Variants in GRAMD2B observed in about 807,000 individuals in gnomAD.
GRAMD2B encodes the protein GRAM domain-containing protein 2B.
In GRAMD2B, 41 loss-of-function variants were observed where a neutral mutation model predicts 59.2. The observed-to-expected ratio is 0.69, with a 90% CI of 0.54 to 0.90. The LOEUF is 0.90. GRAMD2B is among the 40% of genes least tolerant of loss of function. GRAMD2B has a pLI of 0.00. For synonymous variants in GRAMD2B, 161 were observed against 182.7 expected (o/e 0.88, Z 0.96); for missense variants, 424 against 500.5 (o/e 0.85, Z 1.46).
intron 1 of GRAMD2B, among the ~76,000 whole-genome samples, chr5:126,437,402 A>C (rs940733413): frequency 2.0e-5 from 3 of 152,184 alleles, no homozygotes; most frequent in Non-Finnish European, 4.4e-5. Flanking sequence ...TATGCCATGG[A>C]AGGGGATTTG....
chr5:126,475,511 G>C (rs747105475), intron 5 of GRAMD2B, among the ~76,000 whole-genome samples: 5 of 152,106 alleles, frequency 3.3e-5, no homozygotes, highest in Non-Finnish European at 7.4e-5. Context: ...TCCTCCCTTT[G>C]AAAAATGTTG....
intron 1 of GRAMD2B, among the ~76,000 whole-genome samples, chr5:126,438,819 G>C (rs753432802): frequency 6.6e-6 from 1 of 152,168 alleles, no homozygotes; most frequent in Non-Finnish European, 1.5e-5. Context: ...TATATGGCCT[G>C]AGCTGCCTCC....
intron 1 of GRAMD2B, among the ~76,000 whole-genome samples, chr5:126,431,398 CAGT>C (rs1761552505): frequency 6.6e-6 from 1 of 152,158 alleles, no homozygotes. Flanking sequence ...ATAGTTTTAA[CAGT>C]AGTAAACAAA....
At chr5:126,393,248 A>T (rs1318316310) in intron 1 of GRAMD2B, among the ~76,000 whole-genome samples, 1 of 152,098 alleles carries the variant, frequency 6.6e-6, no homozygotes. Context: ...CATTCAAATC[A>T]CTGTAAAAAT....
chr5:126,487,034 G>T, intron 12 of GRAMD2B, 57 bp downstream of exon 12: 2 of 895,134 alleles, frequency 2.2e-6, no homozygotes, highest in South Asian at 2.8e-5. Context: ...TATAATAATT[G>T]ACCTGAACTT....
Position 126,360,188 on chromosome 5 carries a change from A to C in GRAMD2B, c.-144A>C, listed in dbSNP as rs1306576004. The stretch of plus-strand genomic sequence containing the variant: ...TGCCATCCCTCTGAGCAGACGCTGA[A>C]AGAGAAAACTTCTGAGATAGCACTT... On this transcript the variant is annotated 5_prime_UTR_variant, in exon 1 of 14. Coordinates refer to the GRAMD2B transcript ENST00000513040. 3.2e-6 allele frequency: 3 copies of C among 923,390 alleles called. No individual in the cohort carries two copies. In the Admixed American group the frequency reaches 8.0e-5, roughly 25 times the overall value. The allele number at this position is 923,390 out of a possible 1,614,324, so 57.2% of individuals were successfully genotyped here. A position where few individuals can be genotyped will look rare whatever the true frequency, so the allele number is the denominator to read the frequency against.
At chr5:126,406,747 A>G (rs187466072) in intron 1 of GRAMD2B, among the ~76,000 whole-genome samples, 22 of 152,110 alleles carry the variant, frequency 1.4e-4, no homozygotes, top group African/African-American at 4.8e-4. Context: ...GGGAGCTTCA[A>G]AGAAGCAGCC....
chr5:126,444,576 T>C (rs374945066), intron 1 of GRAMD2B, among the ~76,000 whole-genome samples: 17 of 152,348 alleles, frequency 1.1e-4, no homozygotes, highest in African/African-American at 3.8e-4. Context: ...CCATATTTTG[T>C]TTCAAACGTA....
intron 1 of GRAMD2B, among the ~76,000 whole-genome samples, chr5:126,443,115 C>T (rs936710597): frequency 2.0e-5 from 3 of 152,184 alleles, no homozygotes; most frequent in Non-Finnish European, 2.9e-5. Flanking sequence ...GTAATTGACT[C>T]GCTTCCCAGT....
intron 1 of GRAMD2B, among the ~76,000 whole-genome samples, chr5:126,377,333 C>A (rs1755277075): frequency 6.6e-6 from 1 of 151,812 alleles, no homozygotes; most frequent in South Asian, 2.1e-4. Flanking sequence ...GAATGTATTG[C>A]CATCAGGATG....
intron 1 of GRAMD2B, among the ~76,000 whole-genome samples, chr5:126,377,092 C>A (rs1755255988): frequency 6.7e-6 from 1 of 148,998 alleles, no homozygotes; most frequent in Non-Finnish European, 1.5e-5. Flanking sequence ...GATACTTCCG[C>A]ACATTCAATA....
chr5:126,404,609 G>A (rs1758111971), intron 1 of GRAMD2B, among the ~76,000 whole-genome samples: 2 of 151,842 alleles, frequency 1.3e-5, no homozygotes, highest in African/African-American at 4.8e-5. Context: ...TATGACAGGG[G>A]AGTCTTGGAT....
chr5:126,398,046 T>A (rs1356557633), intron 1 of GRAMD2B, among the ~76,000 whole-genome samples: 27 of 126,178 alleles, frequency 2.1e-4, no homozygotes, highest in Admixed American at 9.1e-5. Flanking sequence ...TTTTTTGAGA[T>A]GGGGTCTTGC....
At chr5:126,492,891 G>C (rs781653531) in intron 13 of GRAMD2B, 24 bp from the exon 14 acceptor site, 6 of 1,488,842 alleles carry the variant, frequency 4.0e-6, no homozygotes, top group Non-Finnish European at 5.6e-6. Flanking sequence ...TTAATAATAG[G>C]AACTTCTTTT....
At chr5:126,443,100 C>T (rs1763577926) in intron 1 of GRAMD2B, among the ~76,000 whole-genome samples, 1 of 152,136 alleles carries the variant, frequency 6.6e-6, no homozygotes, top group Non-Finnish European at 1.5e-5. Flanking sequence ...ATGAAAGTAA[C>T]AATAGTAATT....
intron 1 of GRAMD2B, among the ~76,000 whole-genome samples, chr5:126,405,716 T>A (rs1758208040): frequency 6.6e-6 from 1 of 151,656 alleles, no homozygotes. Flanking sequence ...TAGAAATTTC[T>A]AAGTTGCCAT....
chr5:126,401,455 T>C (rs1474448549), intron 1 of GRAMD2B, among the ~76,000 whole-genome samples: 2 of 152,130 alleles, frequency 1.3e-5, no homozygotes, highest in African/African-American at 2.4e-5. Flanking sequence ...TTTCTTTGGG[T>C]TCAGTTACTG....
At chr5:126,377,734 T>C (rs1755326175) in intron 1 of GRAMD2B, among the ~76,000 whole-genome samples, 1 of 152,212 alleles carries the variant, frequency 6.6e-6, no homozygotes, top group Non-Finnish European at 1.5e-5. Context: ...TCTAAGCCAA[T>C]ATGCCCTGCT....
At chr5:126,438,172 C>T (rs912165577) in intron 1 of GRAMD2B, among the ~76,000 whole-genome samples, 1 of 151,982 alleles carries the variant, frequency 6.6e-6, no homozygotes, top group Non-Finnish European at 1.5e-5. Flanking sequence ...CAGGAAGCTA[C>T]GTAGGCTTTA....
Sources: gnomAD v4.1 joint callset for allele counts (sites outside exome capture counted in the v4.1 genomes callset) on GRCh38, gnomAD v4.1.1 for gene constraint, MANE v1.5 for transcripts, NCBI Gene and HGNC (gene_info 2026-07-23, HGNC 2026-07-21) for gene names.